The following PCDH9 variants were observed in gnomAD, a reference collection of about 807,000 sequenced individuals.
PCDH9 encodes protocadherin-9.
Under a neutral mutation model 70.6 loss-of-function variants are expected in PCDH9, and 24 were observed. That is an observed-to-expected ratio of 0.34 (90% CI 0.25 to 0.48). PCDH9 has a LOEUF of 0.48. PCDH9 is among the 20% of genes least tolerant of loss of function. The pLI, the probability that PCDH9 is intolerant of heterozygous loss-of-function variation, is 0.99. For synonymous variants in PCDH9, 562 were observed against 558.5 expected (o/e 1.01, Z -0.09); for missense variants, 1,281 against 1,503.6 (o/e 0.85, Z 2.45).
At chr13:66,578,088 C>A (rs1461490277) in intron 4 of PCDH9, among the ~76,000 whole-genome samples, 1 of 151,832 alleles carries the variant, frequency 6.6e-6, no homozygotes, top group Admixed American at 6.6e-5. Flanking sequence ...TGTATTTTCC[C>A]TAATGTATTC....
At chr13:66,976,778 A>G (rs1231023619) in intron 2 of PCDH9, among the ~76,000 whole-genome samples, 1 of 152,134 alleles carries the variant, frequency 6.6e-6, no homozygotes, top group East Asian at 1.9e-4. Context: ...CTTTATCTGT[A>G]ATCAAGTAAG....
chr13:66,391,902 A>ATG (rs969770650), intron 4 of PCDH9, among the ~76,000 whole-genome samples: 80 of 149,184 alleles, frequency 5.4e-4, no homozygotes, highest in Admixed American at 1.3e-3. Flanking sequence ...ATATATATAT[A>ATG]TATGTTTGTG....
intron 2 of PCDH9, among the ~76,000 whole-genome samples, chr13:67,032,881 A>C (rs1317981373): frequency 2.0e-5 from 3 of 152,160 alleles, no homozygotes; most frequent in Admixed American, 6.5e-5. Flanking sequence ...TATTATTTGC[A>C]GTTCTACCAG....
At chr13:67,202,745 C>T (rs2089246546) in intron 2 of PCDH9, 1 of 152,004 alleles carries the variant, frequency 6.6e-6, no homozygotes, top group Admixed American at 6.6e-5. Flanking sequence ...ATTTTTCAGT[C>T]AGAGAGAAAT....
At chr13:66,629,158 A>G (rs1444695491) in intron 4 of PCDH9, among the ~76,000 whole-genome samples, 1 of 152,252 alleles carries the variant, frequency 6.6e-6, no homozygotes, top group Admixed American at 6.5e-5. Flanking sequence ...TCTACCTAGA[A>G]TTGCACATAC....
chr13:66,965,204 G>T (rs1273756630), intron 2 of PCDH9, among the ~76,000 whole-genome samples: 1 of 152,072 alleles, frequency 6.6e-6, no homozygotes, highest in Admixed American at 6.6e-5. Context: ...TCAATATGCT[G>T]AAACTGGAAA....
chr13:66,552,262 T>C (rs951359811), intron 4 of PCDH9, among the ~76,000 whole-genome samples: 9 of 152,168 alleles, frequency 5.9e-5, no homozygotes, highest in Non-Finnish European at 8.8e-5. Flanking sequence ...TTCTAAATTA[T>C]TCCCCTATCT....
chr13:66,463,857 A>G (rs1958468997), intron 4 of PCDH9, among the ~76,000 whole-genome samples: 1 of 151,898 alleles, frequency 6.6e-6, no homozygotes, highest in Non-Finnish European at 1.5e-5. Context: ...TTGTTTTACC[A>G]GACATTGGCT....
chr13:66,443,168 T>A (rs546566324), intron 4 of PCDH9, among the ~76,000 whole-genome samples: 1 of 152,318 alleles, frequency 6.6e-6, no homozygotes, highest in African/African-American at 2.4e-5. Flanking sequence ...ATTTTTATAT[T>A]GTCTTTCATA....
intron 4 of PCDH9, among the ~76,000 whole-genome samples, chr13:66,545,074 G>A (rs1320802410): frequency 6.6e-6 from 1 of 152,070 alleles, no homozygotes; most frequent in Non-Finnish European, 1.5e-5. Context: ...AAACCTAGAT[G>A]TCCTTTAAAT....
chr13:66,480,016 A>C lies in PCDH9; in HGVS notation c.3340+151194T>G, dbSNP rs1417096542. On this transcript the variant is annotated intron_variant, in intron 4 of 4. Coordinates refer to ENST00000377865, the MANE Select transcript of PCDH9 (RefSeq NM_203487.3). ...TGCTCACTCTTTGGGTCTGCACCACATTTAAGAGCTGAAACACTCGCCACG... is the reference window on the plus strand; with the variant it reads ...TGCTCACTCTTTGGGTCTGCACCACCTTTAAGAGCTGAAACACTCGCCACG... Among the ~76,000 whole-genome samples the C allele has an allele frequency of 2.0e-5, 3 of 152,172 alleles. No individual in the cohort carries two copies. In the East Asian group the frequency reaches 5.8e-4, roughly 29 times the overall value.
intron 3 of PCDH9, among the ~76,000 whole-genome samples, chr13:66,699,082 T>C (rs1164006094): frequency 2.0e-5 from 3 of 151,776 alleles, no homozygotes; most frequent in Admixed American, 2.0e-4. Context: ...GTCCGGCTAA[T>C]TTTTGTATTT....
At chr13:67,159,652 G>A (rs1021790351) in intron 2 of PCDH9, among the ~76,000 whole-genome samples, 6 of 152,134 alleles carry the variant, frequency 3.9e-5, no homozygotes, top group African/African-American at 1.4e-4. Context: ...TAAGATAACT[G>A]GAGAAATTAC....
chr13:66,652,241 A>G (rs2077863024), intron 3 of PCDH9, among the ~76,000 whole-genome samples: 1 of 152,092 alleles, frequency 6.6e-6, no homozygotes, highest in African/African-American at 2.4e-5. Flanking sequence ...GAACCTAAAG[A>G]CTCAATCAAA....
chr13:66,994,747 C>G (rs1479548875), intron 2 of PCDH9, among the ~76,000 whole-genome samples: 1 of 152,156 alleles, frequency 6.6e-6, no homozygotes, highest in African/African-American at 2.4e-5. Context: ...GAAAGAATCA[C>G]TTCCTCGGTG....
chr13:66,805,262 C>A (rs367865472), intron 3 of PCDH9, among the ~76,000 whole-genome samples: 1 of 152,096 alleles, frequency 6.6e-6, no homozygotes, highest in Non-Finnish European at 1.5e-5. Context: ...TGTAGCAGAT[C>A]TCTAGAGATA....
intron 2 of PCDH9, among the ~76,000 whole-genome samples, chr13:66,984,412 G>C (rs1199893855): frequency 6.6e-6 from 1 of 152,114 alleles, no homozygotes; most frequent in Non-Finnish European, 1.5e-5. Flanking sequence ...TTCCATAACA[G>C]ATTTGCATGT....
chr13:66,849,486 GTATATA>G (rs144181181), intron 3 of PCDH9, among the ~76,000 whole-genome samples: 1,370 of 90,176 alleles, frequency 0.015, 16 homozygotes, highest in African/African-American at 0.032. Flanking sequence ...TCATAGGTAG[GTATATA>G]TATATATATA....
chr13:66,743,438 T>C (rs1379896156), intron 3 of PCDH9, among the ~76,000 whole-genome samples: 4 of 148,948 alleles, frequency 2.7e-5, no homozygotes, highest in Non-Finnish European at 5.9e-5. Flanking sequence ...GGCACATGTA[T>C]ACATATGTAA....
Sources: gnomAD v4.1 joint callset for allele counts (sites outside exome capture counted in the v4.1 genomes callset) on GRCh38, gnomAD v4.1.1 for gene constraint, MANE v1.5 for transcripts, NCBI Gene and HGNC (gene_info 2026-07-23, HGNC 2026-07-21) for gene names.